The following USP24 variants were observed in gnomAD, a reference collection of about 807,000 sequenced individuals.
USP24 encodes ubiquitin carboxyl-terminal hydrolase 24.
Under a neutral mutation model 361.6 loss-of-function variants are expected in USP24, and 97 were observed. The observed-to-expected ratio is 0.27, with a 90% confidence interval of 0.23 to 0.32. The LOEUF is 0.32. Among genes scored for constraint, USP24 ranks in the 10% least tolerant of loss-of-function variants. The pLI is 1.00. For synonymous variants in USP24, 1,098 were observed against 1,124.6 expected (o/e 0.98, Z 0.47); for missense variants, 2,353 against 3,165.6 (o/e 0.74, Z 6.16).
At chr1:55,105,164 T>C (rs143780327) in intron 41 of USP24, among the ~76,000 whole-genome samples, 84 of 152,318 alleles carry the variant, frequency 5.5e-4, no homozygotes, top group Non-Finnish European at 9.1e-4. Flanking sequence ...GATATATCTT[T>C]TGTGTTTACT....
intron 30 of USP24, among the ~76,000 whole-genome samples, chr1:55,133,017 A>C (rs1392109863): frequency 6.6e-6 from 1 of 152,214 alleles, no homozygotes; most frequent in African/African-American, 2.4e-5. Context: ...ACTGATAATA[A>C]AATTATAAGA....
chr1:55,205,906 T>G (rs1024737200), intron 1 of USP24, among the ~76,000 whole-genome samples: 1 of 152,188 alleles, frequency 6.6e-6, no homozygotes, highest in African/African-American at 2.4e-5. Flanking sequence ...AGAGGCCCCA[T>G]AGCTCTTAAT....
chr1:55,132,456 T>C, intron 31 of USP24, 89 bp downstream of exon 31: 1 of 1,407,932 alleles, frequency 7.1e-7, no homozygotes, highest in Non-Finnish European at 9.6e-7. Context: ...AACAGAAACC[T>C]ATTTACTTAT....
chr1:55,071,404 G>GTA, intron 67 of USP24: 1 of 999,602 alleles, frequency 1.0e-6, no homozygotes, highest in Non-Finnish European at 1.2e-6. Context: ...TGGCAAGCAG[G>GTA]TATACTTCAA....
intron 26 of USP24, 116 bp from the exon 27 acceptor site, chr1:55,138,020 G>C: frequency 9.9e-7 from 1 of 1,009,098 alleles, no homozygotes; most frequent in East Asian, 2.6e-5. Flanking sequence ...GAACACAGCA[G>C]AGAACATAAA....
chr1:55,156,414 A>G (rs116134742), intron 12 of USP24, among the ~76,000 whole-genome samples: 4 of 152,288 alleles, frequency 2.6e-5, no homozygotes, highest in Non-Finnish European at 2.9e-5. Flanking sequence ...GTAGAAGAGA[A>G]TAAGTTAGTA....
chr1:55,123,557 T>G lies in USP24; in HGVS notation c.4166A>C (p.His1389Pro). 1 of 1,601,464 alleles carries G rather than the reference T, an allele frequency of 6.2e-7. No individual in the cohort carries two copies. Among genetic ancestry groups the G allele is most frequent in the Non-Finnish European group, 8.5e-7 (1 of 1,173,862 alleles). ...SGSEGEPVAL[H>P]AGICVRQQSV... ...CTGTTGTCGAACACAGATTCCCGCA[T>G]GCAGGGCTACTGGTTCTCCTTCACT... Residue 1389 changes from histidine (H) to proline (P), a missense_variant, in exon 36 of 68, where the codon CAT (histidine) becomes CCT (proline). His to Pro is a moderately conservative substitution (Grantham distance 77, BLOSUM62 -2). This residue lies in a region of USP24 where 949 missense variants were observed against 1,280.5 expected (regional missense o/e 0.74). Coordinates refer to ENST00000294383, the MANE Select transcript of USP24 (RefSeq NM_015306.3).
chr1:55,109,569 G>A (rs986083296), intron 39 of USP24, among the ~76,000 whole-genome samples: 2 of 151,926 alleles, frequency 1.3e-5, no homozygotes, highest in South Asian at 2.1e-4. Flanking sequence ...TGGTCTTGAC[G>A]TTCTTTACCA....
At chr1:55,147,378 T>C (rs1647057304) in intron 18 of USP24, among the ~76,000 whole-genome samples, 1 of 152,096 alleles carries the variant, frequency 6.6e-6, no homozygotes, top group Non-Finnish European at 1.5e-5. Context: ...AAAACAATAA[T>C]GTTACTAATC....
At chr1:55,077,351 T>C in intron 61 of USP24, 51 bp from the exon 62 acceptor site, 1 of 1,494,208 alleles carries the variant, frequency 6.7e-7, no homozygotes, top group South Asian at 1.2e-5. Context: ...CATATTGGAA[T>C]GGCAATTAAC....
chr1:55,167,888 T>G (rs879932734), intron 5 of USP24, among the ~76,000 whole-genome samples: 2 of 152,064 alleles, frequency 1.3e-5, no homozygotes, highest in African/African-American at 2.4e-5. Context: ...TCAGACACAC[T>G]AAGTTTGAGA....
intron 59 of USP24, 149 bp from the exon 60 acceptor site, chr1:55,079,808 T>TGAGTACTCACA: frequency 1.3e-6 from 1 of 784,528 alleles, no homozygotes. Flanking sequence ...ACTCACACAC[T>TGAGTACTCACA]GAGTACTCGC....
At chr1:55,078,882 A>G (rs1469038198) in intron 60 of USP24, among the ~76,000 whole-genome samples, 1 of 151,712 alleles carries the variant, frequency 6.6e-6, no homozygotes, top group Non-Finnish European at 1.5e-5. Context: ...CGTTTCCATC[A>G]GTTTTTCAAA....
At chr1:55,181,908 T>C (rs1309766421) in intron 1 of USP24, among the ~76,000 whole-genome samples, 1 of 152,144 alleles carries the variant, frequency 6.6e-6, no homozygotes, top group Admixed American at 6.5e-5. Flanking sequence ...CCTAATCCAA[T>C]AAAACTTGTG....
intron 1 of USP24, among the ~76,000 whole-genome samples, chr1:55,201,105 T>C (rs1162453610): frequency 6.6e-6 from 1 of 152,212 alleles, no homozygotes; most frequent in Non-Finnish European, 1.5e-5. Context: ...AAATTTATGC[T>C]ATTTTCAAGC....
chr1:55,097,964 G>A lies in USP24; in HGVS notation c.5574C>T (p.Tyr1858=), dbSNP rs771065631. ...GEVLEGSNAY[Y]CEKCKEKRIT... is the part of the protein sequence containing the mutation. ...ATACCTTTTCTTTACACTTTTCACA[G>A]TAGTACGCATTACTTCCTTCTAGAA... Residue 1858 remains tyrosine, a synonymous_variant, in exon 47 of 68, where the codon TAC becomes TAT. Coordinates refer to ENST00000294383, the MANE Select transcript of USP24 (RefSeq NM_015306.3). 1.9e-6 allele frequency: 3 copies of A among 1,609,620 alleles called. No homozygotes were observed. The highest frequency in any genetic ancestry group is 2.5e-6 in the Non-Finnish European group (3 of 1,178,730).
In USP24 at chr1:55,120,643, C is replaced by G; in HGVS notation, c.4461G>C (p.Gln1487His). The change falls in exon 38 of 68, where the codon CAG becomes CAC. Residue 1487 changes from glutamine to histidine, a missense_variant. By Grantham distance (24) the Gln-to-His change is conservative (BLOSUM62 0). Transcript: ENST00000294383. The stretch of plus-strand genomic sequence containing the variant: ...TACTAGTTGGAGACCAGAGAGGCAG[C>G]TGAGCCGTGAGGATTACGCCTAGAA... ...QFLLGVILTA[Q>H]LPLWSPTSIM... 6.4e-7 allele frequency: 1 copy of G among 1,559,150 alleles called. No homozygotes were observed. Among genetic ancestry groups the G allele is most frequent in the Non-Finnish European group, 8.7e-7 (1 of 1,150,516 alleles).
intron 44 of USP24, among the ~76,000 whole-genome samples, chr1:55,100,554 A>AG (rs147898491): frequency 1.8e-4 from 28 of 152,200 alleles, no homozygotes; most frequent in Admixed American, 3.3e-4. Flanking sequence ...GCACAGGGTC[A>AG]GGGGAATGAT....
rs1646812946 is a variant in USP24, at chr1:55,138,951, G to A, written c.2810C>T (p.Thr937Ile). 1 of 1,612,678 alleles carries A rather than the reference G, an allele frequency of 6.2e-7. No individual in the cohort carries two copies. The highest frequency in any genetic ancestry group is 8.5e-7 in the Non-Finnish European group (1 of 1,179,348). ...AAAAAGGAAGTGGCTTACCTCTATA[G>A]TGATCACATAGCGCTCTGCCAGAAG... ...LLLLAERYVI[T>I]IEDFYSVPRT... is the part of the protein sequence containing the mutation. Residue 937 changes from threonine to isoleucine, a missense_variant, in exon 25 of 68, where the codon ACT (threonine) becomes ATT (isoleucine). By Grantham distance (89) the Thr-to-Ile change is moderately conservative. This residue lies in a region of USP24 where 949 missense variants were observed against 1,280.5 expected (regional missense o/e 0.74). Transcript: ENST00000294383.
Sources: allele counts gnomAD v4.1 joint callset (sites outside exome capture counted in the v4.1 genomes callset), GRCh38; gene constraint gnomAD v4.1.1; regional missense constraint gnomAD v4.1.1; transcripts MANE v1.5; gene names NCBI Gene and HGNC (gene_info 2026-07-23, HGNC 2026-07-21).